ARHGEF3: variants seen among roughly 807,000 people sequenced by gnomAD.
ARHGEF3 encodes the protein Rho guanine nucleotide exchange factor 3, also known as 59.8 kDA protein.
A neutral mutation model predicts 63.2 loss-of-function variants in ARHGEF3; 28 were observed. The ratio of observed to expected loss-of-function variants is 0.44; its 90% CI spans 0.33 to 0.61. ARHGEF3 has a LOEUF of 0.61. Among genes scored for constraint, ARHGEF3 ranks in the 20% least tolerant of loss-of-function variants. The probability of loss-of-function intolerance (pLI) is 0.03; values close to 1 mark genes in which losing one functional copy is unlikely to be tolerated. For synonymous variants in ARHGEF3, 266 were observed against 254.2 expected (o/e 1.05, Z -0.44); for missense variants, 533 against 659.3 (o/e 0.81, Z 2.10).
At chr3:56,813,893 T>C (rs2038165598) in intron 4 of ARHGEF3, among the ~76,000 whole-genome samples, 1 of 152,072 alleles carries the variant, frequency 6.6e-6, no homozygotes, top group Admixed American at 6.6e-5. Flanking sequence ...TTTAGATGCT[T>C]CTCCAGTTTC....
chr3:57,077,062 G>A (rs1706253226), intron 1 of ARHGEF3, among the ~76,000 whole-genome samples: 1 of 152,198 alleles, frequency 6.6e-6, no homozygotes, highest in Non-Finnish European at 1.5e-5. Context: ...TGCCTGGCAT[G>A]GAAGAAGTGA....
chr3:57,074,921 T>C (rs894266971), intron 1 of ARHGEF3: 1 of 167,136 alleles, frequency 6.0e-6, no homozygotes, highest in African/African-American at 2.4e-5. Flanking sequence ...AACGCCAAGA[T>C]CTTACTCCAG....
intron 4 of ARHGEF3, among the ~76,000 whole-genome samples, chr3:56,852,289 C>T (rs1262402924): frequency 1.3e-5 from 2 of 152,136 alleles, no homozygotes; most frequent in Non-Finnish European, 2.9e-5. Flanking sequence ...CATGTTCGAA[C>T]GTATTTTCAT....
At chr3:56,955,772 T>C (rs1037564331) in intron 3 of ARHGEF3, among the ~76,000 whole-genome samples, 4 of 152,240 alleles carry the variant, frequency 2.6e-5, no homozygotes, top group African/African-American at 9.6e-5. Flanking sequence ...CCTGACATTC[T>C]GCATCCTTCT....
Position 56,737,228 on chromosome 3 carries a change from C to A in ARHGEF3, c.998G>T (p.Arg333Leu), listed in dbSNP as rs199497986. 6.2e-7 allele frequency: 1 copy of A among 1,614,010 alleles called. No homozygotes were observed. The highest frequency in any genetic ancestry group is 1.3e-5 in the African/African-American group (1 of 74,930). Residue 333 changes from arginine (R) to leucine (L), a missense_variant, in exon 8 of 10, where the codon CGA becomes CTA. Coordinates refer to ENST00000296315, the MANE Select transcript of ARHGEF3 (RefSeq NM_019555.3). ...CAGTTCACCATGACAACACAAGACT[C>A]GAGAGCTGTCGATCAGGGAGTCTTT... ...GQKDSLIDSS[R>L]VLCCHGELKN...
chr3:56,732,472 GT>G, intron 8 of ARHGEF3, 48 bp from the exon 9 acceptor site: 5 of 1,601,196 alleles, frequency 3.1e-6, no homozygotes, highest in Non-Finnish European at 4.3e-6. Flanking sequence ...AATGTAATGA[GT>G]GGTTGATATG....
At chr3:56,941,500 G>C (rs1257335851) in intron 3 of ARHGEF3, among the ~76,000 whole-genome samples, 1 of 152,204 alleles carries the variant, frequency 6.6e-6, no homozygotes, top group Non-Finnish European at 1.5e-5. Context: ...GAGCCATGAT[G>C]CCCGGCCCAC....
chr3:56,858,965 C>G (rs577120282), intron 4 of ARHGEF3, among the ~76,000 whole-genome samples: 23 of 151,932 alleles, frequency 1.5e-4, no homozygotes, highest in Non-Finnish European at 3.1e-4. Flanking sequence ...CCTCTGCTTG[C>G]AAAATGTTTT....
At chr3:56,960,936 T>G (rs563677527) in intron 2 of ARHGEF3, 1 of 152,222 alleles carries the variant, frequency 6.6e-6, no homozygotes, top group African/African-American at 2.4e-5. Flanking sequence ...TCCTAACTAT[T>G]TGATGGAATT....
At chr3:56,855,072 T>C (rs1277346813) in intron 4 of ARHGEF3, among the ~76,000 whole-genome samples, 1 of 151,920 alleles carries the variant, frequency 6.6e-6, no homozygotes, top group Admixed American at 6.6e-5. Context: ...GAGTCACTTA[T>C]TCAACACAAT....
intron 2 of ARHGEF3, among the ~76,000 whole-genome samples, chr3:56,987,745 T>C (rs1265480780): frequency 6.6e-6 from 1 of 152,162 alleles, no homozygotes; most frequent in Admixed American, 6.5e-5. Flanking sequence ...CAGCCAATCC[T>C]GCAGCCACTA....
At chr3:56,978,483 C>A (rs7372981) in intron 2 of ARHGEF3, among the ~76,000 whole-genome samples, 52,675 of 151,964 alleles carry the variant, frequency 0.35, 9,442 homozygotes, top group Middle Eastern at 0.48. Context: ...AAATAAAAAA[C>A]CCAATCAATC....
At chr3:56,756,545 C>CT (rs35251607) in intron 2 of ARHGEF3, among the ~76,000 whole-genome samples, 2,775 of 100,040 alleles carry the variant, frequency 0.028, 175 homozygotes, top group East Asian at 0.12. Flanking sequence ...TCATAGCTGG[C>CT]TTTTTTTTTT....
At chr3:56,759,993 C>T (rs1334695101) in intron 2 of ARHGEF3, among the ~76,000 whole-genome samples, 3 of 152,200 alleles carry the variant, frequency 2.0e-5, no homozygotes, top group Non-Finnish European at 2.9e-5. Context: ...AGTATCCCTC[C>T]CATAGTCTGG....
At chr3:57,019,893 T>C (rs6445844) in intron 2 of ARHGEF3, among the ~76,000 whole-genome samples, 54,398 of 151,956 alleles carry the variant, frequency 0.36, 10,513 homozygotes, top group African/African-American at 0.5. Context: ...CCATCTATTT[T>C]CATGATTGAT....
intron 1 of ARHGEF3, chr3:57,073,727 C>T (rs898279352): frequency 3.1e-6 from 5 of 1,614,022 alleles, no homozygotes; most frequent in African/African-American, 2.7e-5. Context: ...GTGGGTCCAC[C>T]TTAGAAAAGT....
intron 3 of ARHGEF3, among the ~76,000 whole-genome samples, chr3:56,908,295 A>G (rs946442483): frequency 6.6e-6 from 1 of 152,192 alleles, no homozygotes; most frequent in African/African-American, 2.4e-5. Flanking sequence ...AGCTCCAAAT[A>G]AGATTTCCAG....
At chr3:56,806,227 G>A (rs769956649), upstream of ARHGEF3, among the ~76,000 whole-genome samples, 7 of 152,210 alleles carry the variant, frequency 4.6e-5, no homozygotes, top group Non-Finnish European at 8.8e-5. Flanking sequence ...ATCTGGGGGT[G>A]TCCGTGAACA....
intron 1 of ARHGEF3, among the ~76,000 whole-genome samples, chr3:57,071,292 CCACATA>C (rs1705888183): frequency 6.6e-6 from 1 of 152,136 alleles, no homozygotes; most frequent in South Asian, 2.1e-4. Flanking sequence ...CTACCTCACA[CCACATA>C]CAAACATCAA....
Sources: allele counts gnomAD v4.1 joint callset (sites outside exome capture counted in the v4.1 genomes callset), GRCh38; gene constraint gnomAD v4.1.1; transcripts MANE v1.5; gene names NCBI Gene and HGNC (gene_info 2026-07-23, HGNC 2026-07-21).